The following RUNX1T1 variants were observed in gnomAD, a reference collection of about 807,000 sequenced individuals.
The protein encoded by RUNX1T1 is protein CBFA2T1.
Under a neutral mutation model 62.8 loss-of-function variants are expected in RUNX1T1, and 4 were observed. That is an observed-to-expected ratio of 0.06 (90% CI 0.03 to 0.15). RUNX1T1 has a LOEUF of 0.15. Among genes scored for constraint, RUNX1T1 ranks in the 10% least tolerant of loss-of-function variants. The pLI is 1.00. For synonymous variants in RUNX1T1, 291 were observed against 286.0 expected (o/e 1.02, Z -0.18); for missense variants, 508 against 754.3 (o/e 0.67, Z 3.82).
At chr8:92,041,619 G>A (rs557021382) in intron 1 of RUNX1T1, among the ~76,000 whole-genome samples, 1 of 152,138 alleles carries the variant, frequency 6.6e-6, no homozygotes, top group Admixed American at 6.5e-5. Context: ...GCATGCGCCT[G>A]TAACCCCAGC....
At chr8:92,096,325 T>C (rs1373093682) in intron 1 of RUNX1T1, among the ~76,000 whole-genome samples, 1 of 152,126 alleles carries the variant, frequency 6.6e-6, no homozygotes, top group Admixed American at 6.5e-5. Flanking sequence ...AGGCAATCAA[T>C]CTCGGCTTGA....
chr8:91,970,089 G>A (rs1163777912), intron 10 of RUNX1T1, among the ~76,000 whole-genome samples: 2 of 150,330 alleles, frequency 1.3e-5, no homozygotes, highest in Non-Finnish European at 2.9e-5. Flanking sequence ...AATAATATAT[G>A]TAACATTACC....
At chr8:91,965,731 A>G (rs1490581663) in intron 10 of RUNX1T1, among the ~76,000 whole-genome samples, 1 of 152,036 alleles carries the variant, frequency 6.6e-6, no homozygotes, top group African/African-American at 2.4e-5. Flanking sequence ...AGCCCCTGGA[A>G]CCATTCAGTG....
At chr8:92,077,546 G>C (rs1403934467) in intron 1 of RUNX1T1, among the ~76,000 whole-genome samples, 3 of 151,982 alleles carry the variant, frequency 2.0e-5, no homozygotes, top group Admixed American at 6.6e-5. Context: ...GCACAATTCT[G>C]TTATTTCCAA....
At chr8:91,991,751 G>A (rs1480183950) in exon 6 of RUNX1T1, 4 of 1,614,082 alleles carry the variant, frequency 2.5e-6, no homozygotes, top group Middle Eastern at 1.6e-4. Context: ...GTGGAGGTGG[G>A]GTAGGGTGAG....
chr8:92,093,301 C>T (rs1282295489), intron 1 of RUNX1T1, among the ~76,000 whole-genome samples: 1 of 151,692 alleles, frequency 6.6e-6, no homozygotes, highest in Non-Finnish European at 1.5e-5. Context: ...TATGTTAAGT[C>T]CCTTCTGGTT....
rs3779764 is a variant in RUNX1T1, at chr8:91,969,783, T to C, written c.1458+875A>G. 6.5e-3 allele frequency among the ~76,000 whole-genome samples: 993 copies of C among 152,244 alleles called. 13 individuals are homozygous for C. The highest frequency in any genetic ancestry group is 0.049 in the East Asian group (252 of 5,174). ...CTTACTCTCCCTCACAAATTATAGATATGTATTGTAGTAGACCATTGATTT... is the reference window on the plus strand; with the variant it reads ...CTTACTCTCCCTCACAAATTATAGACATGTATTGTAGTAGACCATTGATTT... On this transcript the variant is annotated intron_variant, in intron 10 of 10. Coordinates refer to ENST00000396218, the Ensembl canonical transcript of RUNX1T1.
At chr8:91,965,402 T>C (rs1811367184) in intron 10 of RUNX1T1, among the ~76,000 whole-genome samples, 1 of 152,198 alleles carries the variant, frequency 6.6e-6, no homozygotes, top group Admixed American at 6.5e-5. Context: ...TGTTTGTTCT[T>C]TTCCCTGTAG....
chr8:92,020,018 T>C lies in RUNX1T1; in HGVS notation c.8-2655A>G, dbSNP rs552330249. On this transcript the variant is annotated intron_variant, in intron 1 of 10. Coordinates refer to ENST00000396218, the Ensembl canonical transcript of RUNX1T1. ...GTGCATATATTCAGGGTTTTTACAT[T>C]AGCCAAATTTCTGCAATGGTTAGCT... Among the ~76,000 whole-genome samples, 45 of 152,286 alleles carry C rather than the reference T, an allele frequency of 3.0e-4. 1 individual carries two copies. The South Asian group carries it at 6.8e-3, about 23-fold the overall frequency.
chr8:92,093,643 A>G (rs1028374901), intron 1 of RUNX1T1, among the ~76,000 whole-genome samples: 3 of 152,186 alleles, frequency 2.0e-5, no homozygotes, highest in African/African-American at 7.2e-5. Context: ...CCTATTTTTG[A>G]AGGGAACTTA....
chr8:92,085,300 C>A (rs1835923199), intron 1 of RUNX1T1, among the ~76,000 whole-genome samples: 2 of 152,142 alleles, frequency 1.3e-5, no homozygotes, highest in Non-Finnish European at 2.9e-5. Flanking sequence ...GGACATACAG[C>A]AAAAAGGCTC....
intron 1 of RUNX1T1, among the ~76,000 whole-genome samples, chr8:92,020,590 A>G (rs1823884951): frequency 2.0e-5 from 3 of 152,156 alleles, no homozygotes; most frequent in African/African-American, 7.2e-5. Context: ...TAGCAAAGGT[A>G]AGTAAAATAA....
chr8:92,060,469 T>A (rs540685947), intron 1 of RUNX1T1, among the ~76,000 whole-genome samples: 1 of 147,482 alleles, frequency 6.8e-6, no homozygotes, highest in East Asian at 2.0e-4. Context: ...ATATGGCAAT[T>A]GTTACATCAT....
chr8:92,047,306 A>G (rs1563840888), intron 1 of RUNX1T1, among the ~76,000 whole-genome samples: 1 of 151,872 alleles, frequency 6.6e-6, no homozygotes, highest in Non-Finnish European at 1.5e-5. Context: ...TCTCCCTCAA[A>G]TCTCTGCTCA....
chr8:91,955,656 C>T (rs1264347736), downstream of RUNX1T1: 1 of 225,716 alleles, frequency 4.4e-6, no homozygotes, highest in Non-Finnish European at 8.8e-6. Context: ...ACCTTCATAA[C>T]CTTTCTCCAG....
At chr8:92,033,151 T>A (rs1018260374) in intron 1 of RUNX1T1, among the ~76,000 whole-genome samples, 2 of 152,084 alleles carry the variant, frequency 1.3e-5, no homozygotes, top group African/African-American at 2.4e-5. Context: ...ATAAATAATA[T>A]CAAGTATACA....
chr8:91,992,533 C>T (rs1411763561), intron 5 of RUNX1T1, among the ~76,000 whole-genome samples: 2 of 152,154 alleles, frequency 1.3e-5, no homozygotes, highest in African/African-American at 2.4e-5. Context: ...ACATTTCCAT[C>T]ATCACAGAAA....
upstream of RUNX1T1, chr8:92,062,985 A>T: frequency 8.7e-7 from 1 of 1,143,834 alleles, no homozygotes. Flanking sequence ...ATCCTGTTCA[A>T]GGTTAACCCT....
upstream of RUNX1T1, among the ~76,000 whole-genome samples, chr8:92,066,939 T>C (rs1832962068): frequency 1.3e-5 from 2 of 152,224 alleles, no homozygotes; most frequent in Admixed American, 1.3e-4. Context: ...ACTAAACACA[T>C]TTACGCTATT....
Sources: allele counts gnomAD v4.1 joint callset (sites outside exome capture counted in the v4.1 genomes callset), GRCh38; gene constraint gnomAD v4.1.1; transcripts MANE v1.5; gene names NCBI Gene and HGNC (gene_info 2026-07-23, HGNC 2026-07-21).